C1orf141: variants seen among roughly 807,000 people sequenced by gnomAD.
C1orf141 encodes the protein uncharacterized protein C1orf141.
C1orf141 carries 19 observed loss-of-function variants against 23.2 expected under a neutral mutation model. That is an observed-to-expected ratio of 0.82 (90% confidence interval 0.57 to 1.20). The LOEUF is 1.20. C1orf141 is among the 50% of genes most tolerant of loss of function. The probability of loss-of-function intolerance (pLI) is 0.00; values close to 1 mark genes in which losing one functional copy is unlikely to be tolerated. For missense variants in C1orf141, 469 were observed against 455.1 expected (o/e 1.03, Z -0.28); for synonymous variants, 153 against 154.6 (o/e 0.99, Z 0.08).
chr1:67,119,677 T>A, intron 4 of C1orf141, among the ~76,000 whole-genome samples: 1 of 152,022 alleles, frequency 6.6e-6, no homozygotes, highest in East Asian at 1.9e-4. Flanking sequence ...GGAATAGAGA[T>A]GGGATTATAC....
In C1orf141 at chr1:67,115,332, T is replaced by TACAACA. The variant is rs755819006; in HGVS notation, c.346+19_346+20insTGTTGT. 4.7e-4 allele frequency: 405 copies of TACAACA among 864,752 alleles called. 4 individuals carry two copies. The East Asian group carries it at 8.8e-3, about 19-fold the overall frequency. The allele number at this position is 864,752 out of a possible 1,614,324, so 53.6% of individuals were successfully genotyped here. On this transcript the variant is annotated intron_variant, in intron 5 of 7. Coordinates refer to ENST00000684719, the MANE Select transcript of C1orf141 (RefSeq NM_001276351.2). ...CCCATTAATAAATCAAAGAAGTAAA[T>TACAACA]ATGTTACACAAAGCATTACCTGTTG...
At chr1:67,096,404 T>C in intron 5 of C1orf141, 83 bp from the exon 6 acceptor site, 1 of 734,322 alleles carries the variant, frequency 1.4e-6, no homozygotes, top group Non-Finnish European at 2.3e-6. Flanking sequence ...ATTTTACAAT[T>C]TAAAATAACA....
chr1:67,126,002 A>G, intron 3 of C1orf141, 93 bp from the exon 4 acceptor site: 1 of 876,406 alleles, frequency 1.1e-6, no homozygotes, highest in Non-Finnish European at 1.6e-6. Flanking sequence ...ATCTCACTTT[A>G]CACACACACA....
At position 67,095,325 on chromosome 1, in the gene C1orf141, G is replaced by T. The variant is rs146358651; in HGVS notation, c.513C>A (p.Ser171Arg). The change falls in exon 7 of 8, where the codon AGC becomes AGA. Residue 171 changes from serine to arginine, a missense_variant. This residue lies in a region of C1orf141 where 370 missense variants were observed against 348.1 expected (regional missense o/e 1.06). Coordinates refer to ENST00000684719, the MANE Select transcript of C1orf141 (RefSeq NM_001276351.2). Reference sequence around the variant, plus strand: ...CATCCTCAAAGCACAACGGGAGCAAGCTTTTCTTTCTTACTGACCTATACT... The same window carrying T: ...CATCCTCAAAGCACAACGGGAGCAATCTTTTCTTTCTTACTGACCTATACT... Reference protein sequence around the residue: ...LSKYRSVRKKSLLPLCFEDEL... With the variant: ...LSKYRSVRKKRLLPLCFEDEL... 3.1e-6 allele frequency: 5 copies of T among 1,602,438 alleles called. No homozygotes were observed. Among genetic ancestry groups the T allele is most frequent in the Non-Finnish European group, 4.3e-6 (5 of 1,170,566 alleles).
intron 5 of C1orf141, among the ~76,000 whole-genome samples, chr1:67,103,687 C>G (rs1036478631): frequency 4.6e-5 from 7 of 152,082 alleles, no homozygotes; most frequent in Middle Eastern, 3.4e-3. Flanking sequence ...TAAAATTTAT[C>G]TCTCTAAGTT....
intron 5 of C1orf141, among the ~76,000 whole-genome samples, chr1:67,109,485 C>T (rs1246502546): frequency 6.6e-6 from 1 of 152,138 alleles, no homozygotes; most frequent in East Asian, 1.9e-4. Flanking sequence ...ATGAACAATT[C>T]CTCCAAGAAC....
intron 5 of C1orf141, among the ~76,000 whole-genome samples, chr1:67,111,145 T>A (rs561095966): frequency 8.0e-4 from 121 of 152,026 alleles, no homozygotes; most frequent in Non-Finnish European, 7.5e-4. Flanking sequence ...TCCAAACCTC[T>A]TTCTGGTAGT....
intron 4 of C1orf141, chr1:67,121,935 C>T (rs72922855): frequency 0.087 from 13,194 of 152,190 alleles, 607 homozygotes; most frequent in East Asian, 0.13. Context: ...TGTATAGGGA[C>T]GGGAAAGCCA....
intron 3 of C1orf141, among the ~76,000 whole-genome samples, chr1:67,126,829 G>A (rs1008325951): frequency 6.6e-6 from 1 of 152,208 alleles, no homozygotes; most frequent in Non-Finnish European, 1.5e-5. Flanking sequence ...ACACTCTCAC[G>A]CATTTACCTC....
chr1:67,119,132 G>T (rs762048958), intron 4 of C1orf141, among the ~76,000 whole-genome samples: 38 of 152,168 alleles, frequency 2.5e-4, no homozygotes, highest in South Asian at 1.9e-3. Flanking sequence ...GGTGACTTTG[G>T]TGAGGGCTTA....
In C1orf141 at chr1:67,105,343, A is replaced by T; in HGVS notation, c.347-9022T>A. Among the ~76,000 whole-genome samples, 3 of 150,124 alleles carry T rather than the reference A, an allele frequency of 2.0e-5. No individual in the cohort carries two copies. The South Asian group carries it at 6.3e-4, about 31-fold the overall frequency. On this transcript the variant is annotated intron_variant, in intron 5 of 7. Transcript: ENST00000684719. ...TATTTCTCAAAAAAAAAAAAAAAAA[A>T]AAGAATATTTAAACATAATTTAAAA...
At chr1:67,111,378 C>G (rs1646068812) in intron 5 of C1orf141, among the ~76,000 whole-genome samples, 1 of 151,936 alleles carries the variant, frequency 6.6e-6, no homozygotes, top group Non-Finnish European at 1.5e-5. Flanking sequence ...GAAATATCTC[C>G]AACAAATAAT....
At chr1:67,128,682 G>A in intron 2 of C1orf141, among the ~76,000 whole-genome samples, 1 of 151,966 alleles carries the variant, frequency 6.6e-6, no homozygotes, top group East Asian at 1.9e-4. Context: ...CAGCCTGGGT[G>A]ACAGAGTAAG....
At chr1:67,102,626 A>T (rs1645830162) in intron 5 of C1orf141, 1 of 152,064 alleles carries the variant, frequency 6.6e-6, no homozygotes, top group Non-Finnish European at 1.5e-5. Flanking sequence ...AAGAGAGAGG[A>T]ACTGGACATT....
upstream of C1orf141, among the ~76,000 whole-genome samples, chr1:67,137,738 CA>C (rs1222379474): frequency 6.6e-6 from 1 of 152,214 alleles, no homozygotes. Context: ...GATTATATCT[CA>C]GAAGGCAAGG....
intron 5 of C1orf141, among the ~76,000 whole-genome samples, chr1:67,102,469 G>C (rs1031664928): frequency 1.3e-5 from 2 of 151,956 alleles, no homozygotes; most frequent in African/African-American, 2.4e-5. Context: ...AGAAACATAC[G>C]GGGGAGTTGG....
At chr1:67,135,084 G>T (rs929621786), upstream of C1orf141, 1 of 152,272 alleles carries the variant, frequency 6.6e-6, no homozygotes, top group African/African-American at 2.4e-5. Context: ...TTCTCAGAGG[G>T]GCTTCGCCCA....
chr1:67,101,924 A>G (rs1243063654), intron 5 of C1orf141, among the ~76,000 whole-genome samples: 1 of 152,128 alleles, frequency 6.6e-6, no homozygotes, highest in African/African-American at 2.4e-5. Context: ...TGGAACCTTA[A>G]GGGATAATGT....
rs749037924 is a variant in C1orf141 at position 67,093,596 on chromosome 1, C to T, written c.612G>A (p.Lys204=). Reference sequence around the variant, plus strand: ...CATGGAAAATTATGGGATTTGTGTCCTTTTGTTCCTGTAGATTAAAGAAAA... The same window carrying T: ...CATGGAAAATTATGGGATTTGTGTCTTTTTGTTCCTGTAGATTAAAGAAAA... ...TKTVTSHMEQ[K]DTNPIIFHDT... The change falls in exon 8 of 8, where the codon AAG becomes AAA. Residue 204 remains lysine (K), a synonymous_variant. Transcript: ENST00000684719. The T allele has an allele frequency of 3.9e-6, 6 of 1,553,482 alleles. No homozygotes were observed. In the Admixed American group the frequency reaches 1.0e-4, roughly 26 times the overall value.
Sources: allele counts gnomAD v4.1 joint callset (sites outside exome capture counted in the v4.1 genomes callset), GRCh38; gene constraint gnomAD v4.1.1; regional missense constraint gnomAD v4.1.1; transcripts MANE v1.5; gene names NCBI Gene and HGNC (gene_info 2026-07-23, HGNC 2026-07-21).